The following GRM8 variants were observed in gnomAD, a reference collection of about 807,000 sequenced individuals.
GRM8 encodes the protein glutamate metabotropic receptor 8, also known as metabotropic glutamate receptor 8.
In GRM8, 47 loss-of-function variants were observed where a neutral mutation model predicts 87.2. The observed-to-expected ratio is 0.54, with a 90% confidence interval of 0.43 to 0.69. The LOEUF (loss-of-function observed/expected upper bound fraction) is 0.69. GRM8 is among the 30% of genes least tolerant of loss of function. The pLI is 0.00. For missense variants in GRM8, 1,019 were observed against 1,139.2 expected (o/e 0.89, Z 1.52); for synonymous variants, 396 against 404.5 (o/e 0.98, Z 0.25).
At position 127,019,851 on chromosome 7, in the gene GRM8, G is replaced by A. The variant is rs568102228; in HGVS notation, c.727+86645C>T. Among the ~76,000 whole-genome samples the A allele has an allele frequency of 1.3e-4, 20 of 152,134 alleles. No homozygotes were observed. The South Asian group carries it at 3.9e-3, about 30-fold the overall frequency. ...TACCTATATTTTGTGAGTATTAAAT[G>A]AGATCCTTTATAAACAAACACAATG... On this transcript the variant is annotated intron_variant, in intron 3 of 10. Transcript: ENST00000339582.
At position 126,526,205 on chromosome 7, in the gene GRM8, C is replaced by T. The variant is rs571683632; in HGVS notation, c.2430+6747G>A. On this transcript the variant is annotated intron_variant, in intron 9 of 10. Coordinates refer to ENST00000339582, the MANE Select transcript of GRM8 (RefSeq NM_000845.3). ...ATCATAGTAAGTAAATCAGTCACTA[C>T]ATTCTGTATTATCAATAGTCCTGGG... Among the ~76,000 whole-genome samples the T allele has an allele frequency of 1.2e-4, 18 of 152,290 alleles. 1 individual carries two copies. In the South Asian group the frequency reaches 3.5e-3, roughly 30 times the overall value.
intron 3 of GRM8, among the ~76,000 whole-genome samples, chr7:126,992,204 T>C (rs1371626764): frequency 6.6e-6 from 1 of 152,082 alleles, no homozygotes; most frequent in African/African-American, 2.4e-5. Flanking sequence ...CCTGACAAGG[T>C]TGGGGATGAG....
chr7:126,690,994 C>T (rs1005913006), intron 7 of GRM8, among the ~76,000 whole-genome samples: 2 of 152,174 alleles, frequency 1.3e-5, no homozygotes, highest in Non-Finnish European at 2.9e-5. Flanking sequence ...GGCAAGTTCT[C>T]ACTCCTATCT....
chr7:127,013,224 C>T (rs1243955894), intron 3 of GRM8, among the ~76,000 whole-genome samples: 1 of 152,144 alleles, frequency 6.6e-6, no homozygotes, highest in Non-Finnish European at 1.5e-5. Flanking sequence ...AGAGAGGCGG[C>T]CAGTTTCAAG....
At chr7:126,929,763 G>T (rs938471335) in intron 3 of GRM8, among the ~76,000 whole-genome samples, 1 of 36,362 alleles carries the variant, frequency 2.8e-5, no homozygotes, top group African/African-American at 1.6e-4. Flanking sequence ...GCCACATGAG[G>T]CTAGTGTCTA....
intron 2 of GRM8, among the ~76,000 whole-genome samples, chr7:127,190,907 T>C (rs1794995305): frequency 6.6e-6 from 1 of 152,242 alleles, no homozygotes; most frequent in Admixed American, 6.5e-5. Context: ...GGGTATTCTT[T>C]AGTCAAATGG....
chr7:126,598,897 A>T (rs542635329), intron 8 of GRM8, among the ~76,000 whole-genome samples: 192 of 152,242 alleles, frequency 1.3e-3, no homozygotes, highest in African/African-American at 4.5e-3. Context: ...ATGTTCTCTG[A>T]TAAGATGGTC....
At chr7:126,652,586 A>G (rs1362234959) in intron 7 of GRM8, among the ~76,000 whole-genome samples, 1 of 152,190 alleles carries the variant, frequency 6.6e-6, no homozygotes, top group East Asian at 1.9e-4. Flanking sequence ...TAAAGCAGGC[A>G]GAAAAATGTG....
At chr7:126,509,041 A>G (rs552819305) in intron 9 of GRM8, among the ~76,000 whole-genome samples, 7 of 152,204 alleles carry the variant, frequency 4.6e-5, no homozygotes, top group Middle Eastern at 3.4e-3. Context: ...AGTCACTTAC[A>G]TTTGCTAATT....
intron 3 of GRM8, among the ~76,000 whole-genome samples, chr7:127,063,964 T>C (rs1820865186): frequency 1.3e-5 from 2 of 152,240 alleles, no homozygotes; most frequent in African/African-American, 4.8e-5. Flanking sequence ...GACTTTCTAT[T>C]TTTATTGTGC....
chr7:126,910,952 T>C (rs1803221386), intron 3 of GRM8, among the ~76,000 whole-genome samples: 1 of 152,214 alleles, frequency 6.6e-6, no homozygotes, highest in Admixed American at 6.5e-5. Flanking sequence ...CTCATCTCTG[T>C]AATGAGGTTC....
intron 9 of GRM8, among the ~76,000 whole-genome samples, chr7:126,448,534 C>T (rs934177291): frequency 2.0e-5 from 3 of 151,860 alleles, no homozygotes; most frequent in Non-Finnish European, 4.4e-5. Flanking sequence ...TGCTAGCTTC[C>T]TCGTTAAATA....
chr7:126,816,312 T>C (rs1221411519), intron 6 of GRM8, among the ~76,000 whole-genome samples: 1 of 152,170 alleles, frequency 6.6e-6, no homozygotes, highest in African/African-American at 2.4e-5. Context: ...TGCCTATCTC[T>C]GAATCTCTGA....
intron 6 of GRM8, among the ~76,000 whole-genome samples, chr7:126,895,360 C>T (rs1261424522): frequency 6.6e-6 from 1 of 152,040 alleles, no homozygotes; most frequent in African/African-American, 2.4e-5. Context: ...TACAAACTAA[C>T]TCTAATATTC....
chr7:126,455,825 C>T (rs1006672550), intron 9 of GRM8, among the ~76,000 whole-genome samples: 1 of 151,286 alleles, frequency 6.6e-6, no homozygotes, highest in African/African-American at 2.4e-5. Context: ...AGCAGGCAGG[C>T]GAAGGTGGAT....
chr7:126,526,937 A>T (rs1813940259), intron 9 of GRM8, among the ~76,000 whole-genome samples: 1 of 152,164 alleles, frequency 6.6e-6, no homozygotes, highest in Non-Finnish European at 1.5e-5. Flanking sequence ...TCCAGAGCAG[A>T]TTGCAACAGT....
intron 2 of GRM8, among the ~76,000 whole-genome samples, chr7:127,137,815 A>C (rs981176604): frequency 7.9e-5 from 12 of 152,192 alleles, no homozygotes; most frequent in African/African-American, 2.7e-4. Context: ...GTTAAATAAC[A>C]GTTTTGCCTA....
chr7:126,663,546 A>G lies in GRM8; in HGVS notation c.1358-54048T>C, dbSNP rs142888930. Among the ~76,000 whole-genome samples the G allele has an allele frequency of 8.0e-3, 1,214 of 152,284 alleles. 22 individuals carry two copies. The highest frequency in any genetic ancestry group is 0.028 in the African/African-American group (1,149 of 41,564). On this transcript the variant is annotated intron_variant, in intron 7 of 10. Coordinates refer to ENST00000339582, the MANE Select transcript of GRM8 (RefSeq NM_000845.3). ...AACAGAACTTTTTAAAACCACATGT[A>G]ATCATTTCAATAGATGCAGAAAAAG... is the stretch of plus-strand genomic sequence containing the variant.
At position 126,671,312 on chromosome 7, in the gene GRM8, T is replaced by A. The variant is rs116276907; in HGVS notation, c.1358-61814A>T. On this transcript the variant is annotated intron_variant, in intron 7 of 10. Transcript: ENST00000339582. ...GGGCTTGGCTTTAAAAGGTCTTATC[T>A]AAGATTCCTTGGGAAACAGAGTTCC... Among the ~76,000 whole-genome samples, 594 of 152,326 alleles carry A rather than the reference T, an allele frequency of 3.9e-3. 7 individuals are homozygous for A. The highest frequency in any genetic ancestry group is 0.014 in the African/African-American group (571 of 41,586).
Sources: allele counts gnomAD v4.1 joint callset (sites outside exome capture counted in the v4.1 genomes callset), GRCh38; gene constraint gnomAD v4.1.1; transcripts MANE v1.5; gene names NCBI Gene and HGNC (gene_info 2026-07-23, HGNC 2026-07-21).